The following LRP2 variants were observed in gnomAD, a reference collection of about 807,000 sequenced individuals.
LRP2 encodes the protein low-density lipoprotein receptor-related protein 2.
In LRP2, 172 loss-of-function variants were observed where a neutral mutation model predicts 531.0. The observed-to-expected ratio is 0.32, with a 90% CI of 0.29 to 0.37. The LOEUF is 0.37. LRP2 is among the 10% of genes least tolerant of loss of function. LRP2 has a pLI of 1.00. For missense variants in LRP2, 5,167 were observed against 5,868.3 expected, an observed-to-expected ratio of 0.88 and a Z score of 3.90; for synonymous variants, 1,992 against 2,027.6, an observed-to-expected ratio of 0.98 and a Z score of 0.47.
At chr2:169,361,272 C>T (rs1293789515) in intron 1 of LRP2, among the ~76,000 whole-genome samples, 2 of 151,726 alleles carry the variant, frequency 1.3e-5, no homozygotes, top group Non-Finnish European at 2.9e-5. Context: ...CGGTTCCAGC[C>T]TCCTCCTCGC....
intron 1 of LRP2, among the ~76,000 whole-genome samples, chr2:169,340,352 G>A (rs1382339284): frequency 6.6e-6 from 1 of 152,274 alleles, no homozygotes; most frequent in East Asian, 1.9e-4. Context: ...GAGCAGTCAT[G>A]GCATACTTTA....
chr2:169,139,435 G>A, intron 73 of LRP2, 64 bp from the exon 74 acceptor site: 1 of 1,613,862 alleles, frequency 6.2e-7, no homozygotes, highest in South Asian at 1.1e-5. Flanking sequence ...GCAGAAACTG[G>A]GGGCTAGAAC....
chr2:169,350,076 G>T (rs1685806287), intron 1 of LRP2, among the ~76,000 whole-genome samples: 1 of 152,200 alleles, frequency 6.6e-6, no homozygotes, highest in South Asian at 2.1e-4. Flanking sequence ...GTGAAAAGTA[G>T]TTGGATTCTA....
At chr2:169,144,593 G>A (rs757425993) in intron 70 of LRP2, among the ~76,000 whole-genome samples, 26 of 152,270 alleles carry the variant, frequency 1.7e-4, no homozygotes, top group East Asian at 7.7e-4. Context: ...TGTGAGAGCC[G>A]CAAGGGCACT....
intron 43 of LRP2, among the ~76,000 whole-genome samples, chr2:169,202,137 T>C (rs1688223536): frequency 6.6e-6 from 1 of 152,162 alleles, no homozygotes; most frequent in African/African-American, 2.4e-5. Flanking sequence ...ATAATCTCAA[T>C]TTATCTCAAT....
At chr2:169,304,247 T>G (rs1317318712) in intron 4 of LRP2, among the ~76,000 whole-genome samples, 1 of 152,172 alleles carries the variant, frequency 6.6e-6, no homozygotes, top group Non-Finnish European at 1.5e-5. Context: ...TCTGGTGGTC[T>G]CTTAACTTGT....
chr2:169,240,116 A>C (rs1232827124), intron 25 of LRP2, among the ~76,000 whole-genome samples: 1 of 152,238 alleles, frequency 6.6e-6, no homozygotes, highest in Non-Finnish European at 1.5e-5. Flanking sequence ...AGACACTTAA[A>C]ATTGTTTCTC....
chr2:169,276,059 A>G (rs1379794782), intron 13 of LRP2, among the ~76,000 whole-genome samples: 4 of 152,124 alleles, frequency 2.6e-5, no homozygotes, highest in Non-Finnish European at 5.9e-5. Flanking sequence ...CCTGAAAACT[A>G]AAAAGGACAA....
At chr2:169,321,834 A>G (rs1019332532) in intron 1 of LRP2, among the ~76,000 whole-genome samples, 5 of 152,160 alleles carry the variant, frequency 3.3e-5, no homozygotes, top group South Asian at 4.1e-4. Flanking sequence ...GTCCCTAGTG[A>G]TACTGGAAGG....
At chr2:169,213,358 C>T (rs1254466881) in intron 36 of LRP2, among the ~76,000 whole-genome samples, 1 of 152,010 alleles carries the variant, frequency 6.6e-6, no homozygotes, top group Non-Finnish European at 1.5e-5. Flanking sequence ...ATAAGTAACA[C>T]AAACAATAGA....
At position 169,172,154 on chromosome 2, in the gene LRP2, A is replaced by T. The variant is rs1687030282; in HGVS notation, c.11144-20T>A. On this transcript the variant is annotated intron_variant, in intron 57 of 78. Coordinates refer to ENST00000649046, the MANE Select transcript of LRP2 (RefSeq NM_004525.3). ...TCTCCTCTGCAAAGCAGTCATTGCAAAGACTTCATAAACCATTGGCAGAGA... is the reference window on the plus strand; with the variant it reads ...TCTCCTCTGCAAAGCAGTCATTGCATAGACTTCATAAACCATTGGCAGAGA... The T allele has an allele frequency of 6.2e-7, 1 of 1,613,884 alleles. No homozygotes were observed. The highest frequency in any genetic ancestry group is 1.3e-5 in the African/African-American group (1 of 74,930).
At chr2:169,317,415 T>A (rs368853540) in intron 3 of LRP2, among the ~76,000 whole-genome samples, 2 of 152,228 alleles carry the variant, frequency 1.3e-5, no homozygotes, top group Non-Finnish European at 2.9e-5. Context: ...TGAGAGAATG[T>A]CAGGCCTTCA....
At position 169,187,819 on chromosome 2, in the gene LRP2, A is replaced by G. The variant is rs966603858; in HGVS notation, c.9328+151T>C. On this transcript the variant is annotated intron_variant, in intron 49 of 78. Transcript: ENST00000649046. ...GTGTGTCCCCATCTTATATACCAAGAAACTTTGGTAACCTTTTGCTATATC... is the reference window on the plus strand; with the variant it reads ...GTGTGTCCCCATCTTATATACCAAGGAACTTTGGTAACCTTTTGCTATATC... The G allele has an allele frequency of 1.5e-5, 13 of 845,936 alleles. No homozygotes were observed. The African/African-American group carries it at 2.0e-4, about 13-fold the overall frequency. 52.4% of individuals were successfully genotyped at this position (845,936 alleles called of 1,614,324 possible). A position where few individuals can be genotyped will look rare whatever the true frequency, so the allele number is the denominator to read the frequency against.
intron 1 of LRP2, among the ~76,000 whole-genome samples, chr2:169,358,264 A>G (rs556970606): frequency 1.3e-5 from 2 of 152,344 alleles, no homozygotes; most frequent in South Asian, 4.1e-4. Context: ...GTCACAGGCT[A>G]GATGTCCTTA....
At chr2:169,201,536 T>C in intron 44 of LRP2, 92 bp downstream of exon 44, 1 of 1,560,210 alleles carries the variant, frequency 6.4e-7, no homozygotes, top group South Asian at 1.2e-5. Context: ...GGTTTTTATT[T>C]TTGGAAAGCC....
chr2:169,290,156 T>A (rs1203323762), intron 8 of LRP2, among the ~76,000 whole-genome samples: 1 of 150,336 alleles, frequency 6.7e-6, no homozygotes, highest in Non-Finnish European at 1.5e-5. Flanking sequence ...GTCAGTTTCC[T>A]CATAAATGAA....
chr2:169,191,872 A>G lies in LRP2; in HGVS notation c.8992T>C (p.Phe2998Leu). ...CTRRTCSENEFTCGYGLCIPK... is the reference protein window; with the variant it reads ...CTRRTCSENELTCGYGLCIPK... ...ATACACAGTCCGTAACCACAGGTGA[A>G]TTCATTTTCAGAGCAAGTTCTCCTG... The change falls in exon 48 of 79, where the codon TTC becomes CTC. Residue 2998 changes from phenylalanine to leucine, a missense_variant. Physicochemically the swap from Phe to Leu is conservative, Grantham distance 22. Transcript: ENST00000649046. 1 of 1,614,152 alleles carries G rather than the reference A, an allele frequency of 6.2e-7. No homozygotes were observed. The highest frequency in any genetic ancestry group is 8.5e-7 in the Non-Finnish European group (1 of 1,180,016).
At chr2:169,316,939 A>AG (rs1236165149) in intron 3 of LRP2, among the ~76,000 whole-genome samples, 1 of 152,156 alleles carries the variant, frequency 6.6e-6, no homozygotes, top group Admixed American at 6.5e-5. Flanking sequence ...TGGTCTCCAG[A>AG]GTCAAGTGCA....
At chr2:169,176,380 G>A (rs1687194335) in intron 54 of LRP2, 31 bp downstream of exon 54, 1 of 1,613,454 alleles carries the variant, frequency 6.2e-7, no homozygotes, top group Non-Finnish European at 8.5e-7. Context: ...GGGCTAGAGA[G>A]GCACTGAGGA....
Sources: allele counts gnomAD v4.1 joint callset (sites outside exome capture counted in the v4.1 genomes callset), GRCh38; gene constraint gnomAD v4.1.1; transcripts MANE v1.5; gene names NCBI Gene and HGNC (gene_info 2026-07-23, HGNC 2026-07-21).